Variants in FAT3 observed in about 807,000 individuals in gnomAD.
The protein encoded by FAT3 is protocadherin Fat 3.
A neutral mutation model predicts 310.2 loss-of-function variants in FAT3; 95 were observed. That is an observed-to-expected ratio of 0.31 (90% CI 0.26 to 0.36). The LOEUF (loss-of-function observed/expected upper bound fraction) is 0.36, where lower values mean the gene tolerates loss of function less well. Among genes scored for constraint, FAT3 ranks in the 10% least tolerant of loss-of-function variants. The pLI is 1.00. For missense variants in FAT3, 5,408 were observed against 5,715.6 expected (o/e 0.95, Z 1.74); for synonymous variants, 2,314 against 2,192.9 (o/e 1.06, Z -1.54).
intron 3 of FAT3, among the ~76,000 whole-genome samples, chr11:92,599,462 CT>C (rs1221716957): frequency 6.6e-6 from 1 of 152,124 alleles, no homozygotes; most frequent in Non-Finnish European, 1.5e-5. Flanking sequence ...ATTATGGGAA[CT>C]ACAGTTCAAG....
At chr11:92,515,886 CTATG>C (rs1244317486) in intron 2 of FAT3, among the ~76,000 whole-genome samples, 1 of 151,926 alleles carries the variant, frequency 6.6e-6, no homozygotes, top group African/African-American at 2.4e-5. Context: ...ATATGATCAT[CTATG>C]TACAAAACTA....
intron 4 of FAT3, among the ~76,000 whole-genome samples, chr11:92,709,976 A>T (rs1471818579): frequency 1.3e-5 from 2 of 152,046 alleles, no homozygotes; most frequent in Admixed American, 6.6e-5. Context: ...CTGGCATGCC[A>T]CTCTAGAGTT....
chr11:92,256,338 G>C (rs1313681496), intron 1 of FAT3, among the ~76,000 whole-genome samples: 1 of 151,790 alleles, frequency 6.6e-6, no homozygotes, highest in Non-Finnish European at 1.5e-5. Context: ...GCAACAGAGG[G>C]AATGCTTTAA....
chr11:92,225,228 C>A lies in FAT3; in HGVS notation c.-18+54C>A, dbSNP rs1329618772. 2.0e-5 allele frequency among the ~76,000 whole-genome samples: 3 copies of A among 152,194 alleles called. No homozygotes were observed. The East Asian group carries it at 5.8e-4, about 29-fold the overall frequency. ...TGGCTGCCTGGTGCACCGACTGGAG[C>A]GCGCCTGCCGGAGCACAGCCTCAGC... On this transcript the variant is annotated intron_variant, in intron 1 of 27. Transcript: ENST00000525166.
chr11:92,864,313 C>T (rs1252151562), intron 21 of FAT3, among the ~76,000 whole-genome samples: 1 of 152,078 alleles, frequency 6.6e-6, no homozygotes, highest in African/African-American at 2.4e-5. Context: ...CTGAGGACAC[C>T]AGTTTGTAGC....
intron 2 of FAT3, among the ~76,000 whole-genome samples, chr11:92,411,050 T>TATATATATAA (rs202241793): frequency 2.2e-5 from 3 of 135,736 alleles, no homozygotes; most frequent in Admixed American, 1.5e-4. Context: ...ATGTATATAA[T>TATATATATAA]ATATATATAA....
chr11:92,268,662 T>C (rs1464175927), intron 1 of FAT3, among the ~76,000 whole-genome samples: 2 of 152,274 alleles, frequency 1.3e-5, no homozygotes, highest in African/African-American at 2.4e-5. Flanking sequence ...TTCTTTTCCA[T>C]TCAGATGATA....
intron 4 of FAT3, among the ~76,000 whole-genome samples, chr11:92,724,513 C>G: frequency 6.6e-6 from 1 of 152,184 alleles, no homozygotes; most frequent in South Asian, 2.1e-4. Flanking sequence ...CAATCAATTA[C>G]TAAAATAAGG....
intron 2 of FAT3, among the ~76,000 whole-genome samples, chr11:92,514,047 C>G (rs1953395338): frequency 6.6e-6 from 1 of 152,112 alleles, no homozygotes; most frequent in Non-Finnish European, 1.5e-5. Context: ...TATATTTCCC[C>G]TTTCATCTCA....
chr11:92,788,807 A>G (rs886841370), intron 7 of FAT3, among the ~76,000 whole-genome samples: 3 of 152,214 alleles, frequency 2.0e-5, no homozygotes, highest in African/African-American at 7.2e-5. Flanking sequence ...CAAAATTCAG[A>G]CTGTGGAAAC....
chr11:92,504,295 C>T (rs1395852268), intron 2 of FAT3, among the ~76,000 whole-genome samples: 3 of 152,094 alleles, frequency 2.0e-5, no homozygotes, highest in African/African-American at 7.2e-5. Context: ...AGTAATTTTT[C>T]CACCCATCTT....
chr11:92,798,607 G>A lies in FAT3; in HGVS notation c.5594G>A (p.Ser1865Asn), dbSNP rs754372400. 1.9e-6 allele frequency: 3 copies of A among 1,613,672 alleles called. No homozygotes were observed. The highest frequency in any genetic ancestry group is 1.7e-6 in the Non-Finnish European group (2 of 1,179,868). Residue 1865 changes from serine (S) to asparagine (N), a missense_variant, in exon 10 of 28, where the codon AGT becomes AAT. By Grantham distance (46) the Ser-to-Asn change is conservative. Coordinates refer to ENST00000525166, the MANE Select transcript of FAT3 (RefSeq NM_001367949.2). ...DSGSPQLTAE[S>N]PVEVNIEVTD... Reference sequence around the variant, plus strand: ...GGTAGCCCCCAACTGACTGCAGAGAGTCCCGTTGAAGTCAACATTGAGGTG... The same window carrying A: ...GGTAGCCCCCAACTGACTGCAGAGAATCCCGTTGAAGTCAACATTGAGGTG...
intron 2 of FAT3, among the ~76,000 whole-genome samples, chr11:92,382,992 C>A (rs1240996537): frequency 6.6e-6 from 1 of 152,186 alleles, no homozygotes; most frequent in African/African-American, 2.4e-5. Flanking sequence ...TCCCTACCCC[C>A]AGCCCCTGCC....
intron 2 of FAT3, among the ~76,000 whole-genome samples, chr11:92,441,586 C>T (rs1228041509): frequency 6.6e-6 from 1 of 152,144 alleles, no homozygotes; most frequent in Non-Finnish European, 1.5e-5. Context: ...TGATTCATTT[C>T]ATTGCTCTCT....
At chr11:92,360,302 T>C (rs1948846775) in intron 2 of FAT3, among the ~76,000 whole-genome samples, 1 of 152,372 alleles carries the variant, frequency 6.6e-6, no homozygotes, top group African/African-American at 2.4e-5. Context: ...GCTCTGCGAA[T>C]CAAACCATAC....
intron 3 of FAT3, among the ~76,000 whole-genome samples, chr11:92,655,838 A>G (rs1942561678): frequency 6.6e-6 from 1 of 152,202 alleles, no homozygotes; most frequent in Admixed American, 6.5e-5. Context: ...CTTGCTTAGA[A>G]GCTTCTTGAG....
At chr11:92,413,920 G>A (rs1950351071) in intron 2 of FAT3, among the ~76,000 whole-genome samples, 1 of 152,094 alleles carries the variant, frequency 6.6e-6, no homozygotes, top group Admixed American at 6.5e-5. Flanking sequence ...CCCTAATTCT[G>A]GGATCTGTGC....
Position 92,840,701 on chromosome 11 carries a change from T to C in FAT3, c.10508T>C (p.Leu3503Ser). 1.2e-6 allele frequency: 2 copies of C among 1,609,734 alleles called. No individual in the cohort carries two copies. Among genetic ancestry groups the C allele is most frequent in the Non-Finnish European group, 1.7e-6 (2 of 1,176,360 alleles). ...EEFVLDPHGI[L>S]RSAVVFQHTE... is the part of the protein sequence containing the mutation. ...TTTGTGTTGGACCCTCATGGGATCT[T>C]GCGGTCGGCTGTGGTCTTCCAGCAC... The change falls in exon 18 of 28, where the codon TTG (leucine) becomes TCG (serine). Residue 3503 changes from leucine to serine, a missense_variant. This residue lies in a region of FAT3 where 4,588 missense variants were observed against 4,809.8 expected (regional missense o/e 0.95). Transcript: ENST00000525166.
chr11:92,474,056 T>C (rs1422542082), intron 2 of FAT3, among the ~76,000 whole-genome samples: 2 of 152,180 alleles, frequency 1.3e-5, no homozygotes, highest in African/African-American at 4.8e-5. Context: ...AACTTTTGAT[T>C]GTCAGAAGAT....
Sources: gnomAD v4.1 joint callset for allele counts (sites outside exome capture counted in the v4.1 genomes callset) on GRCh38, gnomAD v4.1.1 for gene constraint, gnomAD v4.1.1 regional missense constraint, MANE v1.5 for transcripts, NCBI Gene and HGNC (gene_info 2026-07-23, HGNC 2026-07-21) for gene names.